Variants in RASGRP1 observed in about 807,000 individuals in gnomAD.
The protein encoded by RASGRP1 is RAS guanyl releasing protein 1, also known as RAS guanyl-releasing protein 1.
A neutral mutation model predicts 95.1 loss-of-function variants in RASGRP1; 37 were observed. The observed-to-expected ratio is 0.39, with a 90% CI of 0.30 to 0.51. RASGRP1 has a LOEUF of 0.51. Among genes scored for constraint, RASGRP1 ranks in the 20% least tolerant of loss-of-function variants. RASGRP1 has a pLI of 0.80. For missense variants in RASGRP1, 711 were observed against 965.4 expected (o/e 0.74, Z 3.49); for synonymous variants, 325 against 353.4 (o/e 0.92, Z 0.90).
intron 2 of RASGRP1, among the ~76,000 whole-genome samples, chr15:38,539,747 G>T (rs888579253): frequency 1.3e-5 from 2 of 151,862 alleles, no homozygotes; most frequent in Non-Finnish European, 2.9e-5. Flanking sequence ...ACAGTCCCCA[G>T]AGTGTGATGT....
intron 11 of RASGRP1, 94 bp downstream of exon 11, chr15:38,503,178 T>G: frequency 9.8e-7 from 1 of 1,023,530 alleles, no homozygotes; most frequent in Non-Finnish European, 1.5e-6. Context: ...TGCCTTTACA[T>G]TTCCACCATT....
intron 6 of RASGRP1, 139 bp from the exon 7 acceptor site, chr15:38,513,095 T>C (rs1353972078): frequency 5.9e-6 from 5 of 841,060 alleles, no homozygotes; most frequent in Admixed American, 3.7e-5. Flanking sequence ...CCTGGTGCTC[T>C]TCTGCATCTT....
At chr15:38,506,511 C>T (rs1438086702) in intron 9 of RASGRP1, among the ~76,000 whole-genome samples, 1 of 151,564 alleles carries the variant, frequency 6.6e-6, no homozygotes, top group Admixed American at 6.6e-5. Flanking sequence ...GGCGTGTGCC[C>T]GTGGTCCCAG....
At position 38,507,786 on chromosome 15, in the gene RASGRP1, G is replaced by C. The variant is rs1052250952; in HGVS notation, c.1182C>G (p.Val394=). ...AGGGTGGGGCCACCTCTTGCAGCTG[G>C]ACCAATTCACTGATATGATTGTATA... ...LALYNHISEL[V]QLQEVAPPLE... is the part of the protein sequence containing the mutation. The change falls in exon 9 of 17, where the codon GTC becomes GTG. Residue 394 remains valine (V), a synonymous_variant. Coordinates refer to ENST00000310803, the MANE Select transcript of RASGRP1 (RefSeq NM_005739.4). The C allele has an allele frequency of 6.2e-7, 1 of 1,608,174 alleles. No individual in the cohort carries two copies. The highest frequency in any genetic ancestry group is 1.3e-5 in the African/African-American group (1 of 74,860).
chr15:38,513,826 C>T (rs1169710381), intron 6 of RASGRP1, among the ~76,000 whole-genome samples: 1 of 152,178 alleles, frequency 6.6e-6, no homozygotes, highest in African/African-American at 2.4e-5. Flanking sequence ...CCAACTCTTC[C>T]CTTCTCAACT....
intron 2 of RASGRP1, among the ~76,000 whole-genome samples, chr15:38,529,871 A>G (rs1341150986): frequency 6.6e-6 from 1 of 152,256 alleles, no homozygotes; most frequent in East Asian, 1.9e-4. Flanking sequence ...TCCTGGTCAC[A>G]GTTTGCAAAA....
chr15:38,541,613 T>TAC (rs1411058759), intron 2 of RASGRP1, among the ~76,000 whole-genome samples: 3 of 152,004 alleles, frequency 2.0e-5, no homozygotes, highest in East Asian at 1.9e-4. Flanking sequence ...TATATATATA[T>TAC]ACACACACAC....
intron 8 of RASGRP1, among the ~76,000 whole-genome samples, chr15:38,508,633 CTGAATAGACTAGA>C (rs1215991446): frequency 1.3e-5 from 2 of 152,168 alleles, no homozygotes; most frequent in Non-Finnish European, 2.9e-5. Flanking sequence ...ACTAAAAAGA[CTGAATAGACTAGA>C]TCAATTCTGA....
Position 38,501,454 on chromosome 15 carries a change from CA to C in RASGRP1, c.1539-168del. 1.1e-5 allele frequency: 9 copies of C among 836,256 alleles called. 1 individual carries two copies. The Middle Eastern group carries it at 1.7e-3, about 162-fold the overall frequency. 51.8% of individuals were successfully genotyped at this position (836,256 alleles called of 1,614,324 possible). A position where few individuals can be genotyped will look rare whatever the true frequency, so the allele number is the denominator to read the frequency against. On this transcript the variant is annotated intron_variant, in intron 12 of 16. Transcript: ENST00000310803. ...ATGGGCCCTACTCTTAACAAGGATA[CA>C]AGATGACATGTGGTAAGTAGGTAAG...
chr15:38,564,458 TG>T, intron 1 of RASGRP1, 135 bp downstream of exon 1: 1 of 536,422 alleles, frequency 1.9e-6, no homozygotes, highest in Non-Finnish European at 2.5e-6. Context: ...CCCGTCGCGC[TG>T]GTGTCCCGGG....
At chr15:38,499,269 C>CTTAT in intron 14 of RASGRP1, 1 of 428,726 alleles carries the variant, frequency 2.3e-6, no homozygotes, top group East Asian at 5.4e-5. Flanking sequence ...GCTGTTAGGT[C>CTTAT]TTATTTTCTT....
intron 15 of RASGRP1, among the ~76,000 whole-genome samples, chr15:38,496,703 A>C (rs1252678185): frequency 1.3e-5 from 2 of 152,240 alleles, no homozygotes; most frequent in Non-Finnish European, 2.9e-5. Context: ...AAAACACCCC[A>C]AAAGTTTGAA....
chr15:38,491,807 C>T (rs1325458622), intron 16 of RASGRP1, among the ~76,000 whole-genome samples: 4 of 152,118 alleles, frequency 2.6e-5, no homozygotes, highest in African/African-American at 4.8e-5. Flanking sequence ...TAAAGAGAGG[C>T]GGTGGTCAAA....
chr15:38,541,873 C>G (rs921501233), intron 2 of RASGRP1, among the ~76,000 whole-genome samples: 2 of 152,040 alleles, frequency 1.3e-5, no homozygotes, highest in Non-Finnish European at 2.9e-5. Flanking sequence ...ACGGGCAGTT[C>G]AGAGGAAGGG....
chr15:38,559,844 A>G lies in RASGRP1; in HGVS notation c.197T>C (p.Ile66Thr), dbSNP rs779177028. ...ACCAAAAGATTGAATGCAGCTGTCA[A>G]TGAGATCGTCCAGGCTGGCTCCTTT... ...LAKGASLDDL[I>T]DSCIQSFDAD... Residue 66 changes from isoleucine to threonine, a missense_variant, in exon 2 of 17, where the codon ATT becomes ACT. Ile to Thr is a moderately conservative substitution (Grantham distance 89). Transcript: ENST00000310803. 6 of 1,613,826 alleles carry G rather than the reference A, an allele frequency of 3.7e-6. No homozygotes were observed. Among genetic ancestry groups the G allele is most frequent in the African/African-American group, 2.7e-5 (2 of 74,928 alleles).
intron 3 of RASGRP1, among the ~76,000 whole-genome samples, chr15:38,519,780 A>T (rs1891930286): frequency 6.6e-6 from 1 of 152,342 alleles, no homozygotes; most frequent in Admixed American, 6.5e-5. Flanking sequence ...CAGCAGCCCC[A>T]TTTATCTTTT....
chr15:38,493,463 C>T (rs187922061), intron 16 of RASGRP1, among the ~76,000 whole-genome samples: 30 of 152,254 alleles, frequency 2.0e-4, no homozygotes, highest in Admixed American at 6.5e-4. Context: ...TGAGCCACCA[C>T]GCCCAGCCCT....
intron 5 of RASGRP1, among the ~76,000 whole-genome samples, chr15:38,516,948 C>T (rs1232690477): frequency 1.3e-5 from 2 of 151,274 alleles, no homozygotes; most frequent in Non-Finnish European, 2.9e-5. Flanking sequence ...TGCGCCCTGC[C>T]CCCATTATTT....
chr15:38,520,606 T>C (rs1281572764), intron 3 of RASGRP1, among the ~76,000 whole-genome samples: 1 of 152,212 alleles, frequency 6.6e-6, no homozygotes, highest in Non-Finnish European at 1.5e-5. Context: ...AGTTTATGCA[T>C]AGCTTTGGAA....
Sources: allele counts gnomAD v4.1 joint callset (sites outside exome capture counted in the v4.1 genomes callset), GRCh38; gene constraint gnomAD v4.1.1; transcripts MANE v1.5; gene names NCBI Gene and HGNC (gene_info 2026-07-23, HGNC 2026-07-21).